Variants in PAOX observed in about 807,000 individuals in gnomAD.
PAOX encodes peroxisomal N(1)-acetyl-spermine/spermidine oxidase.
PAOX carries 38 observed loss-of-function variants against 39.0 expected under a neutral mutation model. That is an observed-to-expected ratio of 0.97 (90% CI 0.75 to 1.28). The LOEUF (loss-of-function observed/expected upper bound fraction) is 1.28, where lower values mean the gene tolerates loss of function less well. Ranked by LOEUF, PAOX falls within the 50% of genes most tolerant of loss-of-function variation. PAOX has a pLI of 0.00. For synonymous variants in PAOX, 311 were observed against 314.4 expected (o/e 0.99, Z 0.11); for missense variants, 667 against 685.7 (o/e 0.97, Z 0.30).
intron 3 of PAOX, among the ~76,000 whole-genome samples, chr10:133,382,622 A>G (rs1477591992): frequency 1.3e-5 from 2 of 152,086 alleles, no homozygotes; most frequent in African/African-American, 4.8e-5. Flanking sequence ...TCTCTACTAA[A>G]AATCCAAAAA....
chr10:133,390,822 T>A, intron 6 of PAOX: 1 of 536,434 alleles, frequency 1.9e-6, no homozygotes, highest in South Asian at 2.0e-5. Flanking sequence ...GACTCCCAGA[T>A]CCCTCCCCCA....
chr10:133,383,264 G>C (rs1158492281), intron 3 of PAOX, among the ~76,000 whole-genome samples: 2 of 152,174 alleles, frequency 1.3e-5, no homozygotes, highest in South Asian at 4.1e-4. Context: ...AATTTAGGTG[G>C]CCTTCACTTT....
At chr10:133,389,834 G>T (rs530054593) in intron 6 of PAOX, 87 bp downstream of exon 6, 1 of 1,338,660 alleles carries the variant, frequency 7.5e-7, no homozygotes, top group African/African-American at 1.5e-5. Context: ...CCAGCCAGTG[G>T]CGGGTGGGCT....
chr10:133,383,826 A>T, intron 3 of PAOX, 134 bp from the exon 4 acceptor site: 1 of 1,229,778 alleles, frequency 8.1e-7, no homozygotes. Context: ...AGGACAAAAA[A>T]GTAAAACTGC....
chr10:133,389,674 T>C lies in PAOX; in HGVS notation c.1319T>C (p.Val440Ala). Residue 440 changes from valine to alanine, a missense_variant, in exon 6 of 7, where the codon GTG becomes GCG. By Grantham distance (64) the Val-to-Ala change is moderately conservative. Transcript: ENST00000278060. ...APYTRGSYSYVAVGSTGGDLD... is the reference protein window; with the variant it reads ...APYTRGSYSYAAVGSTGGDLD... ...TACACTAGGGGGTCCTACAGCTACGTGGCCGTGGGCAGTACTGGGGGCGAC... is the reference window on the plus strand; with the variant it reads ...TACACTAGGGGGTCCTACAGCTACGCGGCCGTGGGCAGTACTGGGGGCGAC... 1.9e-6 allele frequency: 3 copies of C among 1,612,408 alleles called. No individual in the cohort carries two copies. The highest frequency in any genetic ancestry group is 2.5e-6 in the Non-Finnish European group (3 of 1,179,348).
rs146751002 is a variant in PAOX at position 133,384,166 on chromosome 10, G to A, written c.1075G>A (p.Ala359Thr). 111 of 1,614,136 alleles carry A rather than the reference G, an allele frequency of 6.9e-5. No homozygotes were observed. The African/African-American group carries it at 1.1e-3, about 16-fold the overall frequency. Reference sequence around the variant, plus strand: ...GGATGCTGCCCCTGAGCTACAGGACGCCTGGTTCCGGAAGCTCATTGGCTT... The same window carrying A: ...GGATGCTGCCCCTGAGCTACAGGACACCTGGTTCCGGAAGCTCATTGGCTT... The part of the protein sequence containing the change: ...LEDAAPELQD[A>T]WFRKLIGFVV... The change falls in exon 4 of 7, where the codon GCC (alanine) becomes ACC (threonine). Residue 359 changes from alanine (A) to threonine (T), a missense_variant. Coordinates refer to ENST00000278060, the MANE Select transcript of PAOX (RefSeq NM_152911.4). This position sits in a 1 kb window ranked among gnomAD's most constrained non-coding sequence, Gnocchi z 4.3.
rs117600655 is a variant in PAOX at position 133,380,441 on chromosome 10, T to C, written c.624T>C (p.Phe208=). The C allele has an allele frequency of 6.5e-4, 1,052 of 1,612,140 alleles. No individual in the cohort carries two copies. Among genetic ancestry groups the C allele is most frequent in the Middle Eastern group, 2.8e-3 (17 of 6,058 alleles). The change falls in exon 2 of 7, where the codon TTT becomes TTC. Residue 208 remains phenylalanine (F), a synonymous_variant. Coordinates refer to ENST00000278060, the MANE Select transcript of PAOX (RefSeq NM_152911.4). ...TGGACCTGGTGGCCCTGGCACCCTTTGGGGAGTATACCGTGCTGCCGGGGC... is the reference window on the plus strand; with the variant it reads ...TGGACCTGGTGGCCCTGGCACCCTTCGGGGAGTATACCGTGCTGCCGGGGC... The part of the protein sequence containing the change: ...HSMDLVALAP[F]GEYTVLPGLD...
Position 133,380,222 on chromosome 10 carries a change from C to T in PAOX, c.405C>T (p.Tyr135=), listed in dbSNP as rs375174821. 36 of 1,612,768 alleles carry T rather than the reference C, an allele frequency of 2.2e-5. 1 individual carries two copies. In the African/African-American group the frequency reaches 3.7e-4, roughly 17 times the overall value. ...QLVAEMATLF[Y]GLIDQTREFL... ...TGGCGGAGATGGCGACTCTGTTCTA[C>T]GGCCTGATAGACCAGACCCGGGAGT... Residue 135 remains tyrosine, a synonymous_variant, in exon 2 of 7, where the codon TAC becomes TAT. Transcript: ENST00000278060.
In PAOX at chr10:133,384,658, G is replaced by C. The variant is rs988947899; in HGVS notation, c.1121+446G>C. 1.3e-4 allele frequency among the ~76,000 whole-genome samples: 20 copies of C among 152,330 alleles called. No homozygotes were observed. The highest frequency in any genetic ancestry group is 1.3e-4 in the Non-Finnish European group (9 of 68,018). On this transcript the variant is annotated intron_variant, in intron 4 of 6. Coordinates refer to ENST00000278060, the MANE Select transcript of PAOX (RefSeq NM_152911.4). The surrounding 1 kb of genome is among the most constrained non-coding windows in gnomAD (Gnocchi z 4.3). Reference sequence around the variant, plus strand: ...CACAGAGGAAGGGCTCCCTTGTATGGGCTGGCCCTCTTAGAAACAGCATAT... The same window carrying C: ...CACAGAGGAAGGGCTCCCTTGTATGCGCTGGCCCTCTTAGAAACAGCATAT...
At chr10:133,389,560 C>T (rs546702150) in intron 5 of PAOX, 30 bp from the exon 6 acceptor site, 121 of 1,613,504 alleles carry the variant, frequency 7.5e-5, no homozygotes, top group Admixed American at 1.2e-4. Context: ...TGAGAGTTCT[C>T]GGTTAACATG....
intron 3 of PAOX, among the ~76,000 whole-genome samples, chr10:133,383,179 C>T (rs1486643154): frequency 6.6e-6 from 1 of 151,906 alleles, no homozygotes; most frequent in Admixed American, 6.6e-5. Flanking sequence ...GAGCGAAACT[C>T]CGTCTCAAAA....
chr10:133,391,423 C>A lies in PAOX; in HGVS notation c.1504C>A (p.Pro502Thr). ...CGACCGCCTCCTCAGTCTGTGGGCC[C>A]CGCAGGTGCAGCAGCCCAGGCCCAG... The part of the protein sequence containing the change: ...EADRLLSLWA[P>T]QVQQPRPRL Residue 502 changes from proline (P) to threonine (T), a missense_variant, in exon 7 of 7, where the codon CCG becomes ACG. Transcript: ENST00000278060. 6.2e-7 allele frequency: 1 copy of A among 1,612,794 alleles called. No individual in the cohort carries two copies.
At chr10:133,379,619 C>T (rs1314524817) in intron 1 of PAOX, 122 bp downstream of exon 1, 15 of 827,890 alleles carry the variant, frequency 1.8e-5, no homozygotes, top group Non-Finnish European at 2.1e-5. Flanking sequence ...CCGAGGGAAT[C>T]CCCGCTCGCT....
chr10:133,384,808 G>A lies in PAOX; in HGVS notation c.1121+596G>A, dbSNP rs560637455. 2.6e-5 allele frequency among the ~76,000 whole-genome samples: 4 copies of A among 152,294 alleles called. No homozygotes were observed. The East Asian group carries it at 7.7e-4, about 29-fold the overall frequency. ...AGTCAGATGGCAGAAATAATTCCAC[G>A]TTTCCACTGAGAGATGCCGCAGGAG... On this transcript the variant is annotated intron_variant, in intron 4 of 6. Coordinates refer to ENST00000278060, the MANE Select transcript of PAOX (RefSeq NM_152911.4). The surrounding 1 kb of genome is among the most constrained non-coding windows in gnomAD (Gnocchi z 4.3).
chr10:133,385,631 T>C (rs1461671571), intron 4 of PAOX, among the ~76,000 whole-genome samples: 4 of 152,194 alleles, frequency 2.6e-5, no homozygotes, highest in Non-Finnish European at 5.9e-5. Flanking sequence ...TCCCCCAGAC[T>C]GGAGTGCAGT....
intron 6 of PAOX, chr10:133,390,823 C>T: frequency 6.3e-5 from 22 of 347,222 alleles, no homozygotes; most frequent in Non-Finnish European, 9.7e-5. Context: ...ACTCCCAGAT[C>T]CCTCCCCCAC....
chr10:133,389,185 C>T, intron 5 of PAOX, 117 bp downstream of exon 5: 1 of 797,812 alleles, frequency 1.3e-6, no homozygotes, highest in Non-Finnish European at 2.2e-6. Context: ...CTGTACATCT[C>T]CAGGGACCAT....
At chr10:133,380,837 G>T (rs1849346875) in intron 2 of PAOX, among the ~76,000 whole-genome samples, 1 of 152,270 alleles carries the variant, frequency 6.6e-6, no homozygotes, top group Admixed American at 6.5e-5. Context: ...AATTAGCCGG[G>T]CGTGATGGTG....
In PAOX at chr10:133,391,436, A is replaced by G; in HGVS notation, c.1517A>G (p.Gln506Arg). ...LLSLWAPQVQ[Q>R]PRPRL ...AGTCTGTGGGCCCCGCAGGTGCAGC[A>G]GCCCAGGCCCAGGCTCTAGCTGGGC... Residue 506 changes from glutamine (Q) to arginine (R), a missense_variant, in exon 7 of 7, where the codon CAG (glutamine) becomes CGG (arginine). By Grantham distance (43) the Gln-to-Arg change is conservative. Transcript: ENST00000278060. 1 of 1,612,530 alleles carries G rather than the reference A, an allele frequency of 6.2e-7. No individual in the cohort carries two copies. The highest frequency in any genetic ancestry group is 8.5e-7 in the Non-Finnish European group (1 of 1,179,816).
Sources: allele counts gnomAD v4.1 joint callset (sites outside exome capture counted in the v4.1 genomes callset), GRCh38; gene constraint gnomAD v4.1.1; non-coding constraint Gnocchi (gnomAD v3.1); transcripts MANE v1.5; gene names NCBI Gene and HGNC (gene_info 2026-07-23, HGNC 2026-07-21).